The following CSMD1 variants were observed in gnomAD, a reference collection of about 807,000 sequenced individuals.
CSMD1 encodes the protein CUB and Sushi multiple domains 1.
CSMD1 carries 213 observed loss-of-function variants against 417.5 expected under a neutral mutation model. The observed-to-expected ratio is 0.51, with a 90% CI of 0.46 to 0.57. CSMD1 has a LOEUF of 0.57. CSMD1 is among the 20% of genes least tolerant of loss of function. The pLI, the probability that CSMD1 is intolerant of heterozygous loss-of-function variation, is 0.00. For synonymous variants in CSMD1, 2,862 were observed against 1,736.8 expected (o/e 1.65, Z -16.11); for missense variants, 6,923 against 4,529.7 (o/e 1.53, Z -15.17).
chr8:3,956,992 A>C (rs1811993404), intron 5 of CSMD1, among the ~76,000 whole-genome samples: 1 of 152,190 alleles, frequency 6.6e-6, no homozygotes, highest in Non-Finnish European at 1.5e-5. Flanking sequence ...TGTGGGCCCT[A>C]AAAAATGAAA....
At chr8:3,377,180 TG>T (rs1442167507) in intron 18 of CSMD1, among the ~76,000 whole-genome samples, 1 of 152,080 alleles carries the variant, frequency 6.6e-6, no homozygotes, top group Admixed American at 6.6e-5. Flanking sequence ...AGCTAATTTT[TG>T]TGTTTTTTTG....
At chr8:4,171,788 T>C (rs1584953344) in intron 3 of CSMD1, among the ~76,000 whole-genome samples, 1 of 152,204 alleles carries the variant, frequency 6.6e-6, no homozygotes, top group African/African-American at 2.4e-5. Context: ...CCAATTTACT[T>C]GAGTAACTTC....
chr8:3,414,916 A>T (rs1420035926), intron 12 of CSMD1, among the ~76,000 whole-genome samples: 1 of 150,828 alleles, frequency 6.6e-6, no homozygotes, highest in African/African-American at 2.4e-5. Context: ...CTCTAGCACC[A>T]CTCTCTTTTC....
At chr8:4,841,914 A>AC (rs779346831) in intron 1 of CSMD1, among the ~76,000 whole-genome samples, 117 of 136,600 alleles carry the variant, frequency 8.6e-4, no homozygotes, top group Middle Eastern at 3.8e-3. Flanking sequence ...TCCGTCTCAA[A>AC]AAAAAAAAAA....
At chr8:3,466,222 G>A (rs191409546) in intron 12 of CSMD1, among the ~76,000 whole-genome samples, 15 of 150,878 alleles carry the variant, frequency 9.9e-5, no homozygotes, top group Admixed American at 9.9e-4. Context: ...TTTTAATGAC[G>A]AGTCTGATAC....
intron 2 of CSMD1, among the ~76,000 whole-genome samples, chr8:4,423,829 C>T (rs569302931): frequency 3.9e-5 from 6 of 152,102 alleles, no homozygotes; most frequent in South Asian, 2.1e-4. Context: ...ATATCTACAA[C>T]GGTTAAGACT....
At chr8:4,953,752 T>C (rs1054163617) in intron 1 of CSMD1, among the ~76,000 whole-genome samples, 2 of 152,186 alleles carry the variant, frequency 1.3e-5, no homozygotes, top group African/African-American at 4.8e-5. Context: ...TCAATACCTG[T>C]CTTTCTGCAA....
intron 12 of CSMD1, among the ~76,000 whole-genome samples, chr8:3,432,649 G>C (rs557403135): frequency 6.4e-4 from 97 of 151,664 alleles, no homozygotes; most frequent in Non-Finnish European, 1.1e-3. Context: ...CTGAGTAGCT[G>C]GGACTACAGG....
At chr8:4,110,633 T>C (rs1276735934) in intron 3 of CSMD1, among the ~76,000 whole-genome samples, 1 of 20,624 alleles carries the variant, frequency 4.8e-5, no homozygotes. Flanking sequence ...ACCTGATATA[T>C]ACAGGTGTGT....
chr8:2,991,672 G>A (rs1197390972), intron 54 of CSMD1, among the ~76,000 whole-genome samples: 1 of 152,158 alleles, frequency 6.6e-6, no homozygotes, highest in Non-Finnish European at 1.5e-5. Flanking sequence ...AAGCAAAAAT[G>A]CGAGTGAATA....
At chr8:3,052,929 A>G (rs1258698923) in intron 49 of CSMD1, among the ~76,000 whole-genome samples, 1 of 151,986 alleles carries the variant, frequency 6.6e-6, no homozygotes, top group East Asian at 1.9e-4. Flanking sequence ...AGCTGAGATT[A>G]CAGGTGCACA....
intron 2 of CSMD1, among the ~76,000 whole-genome samples, chr8:4,506,200 C>G (rs1318999826): frequency 6.6e-6 from 1 of 152,000 alleles, no homozygotes; most frequent in Admixed American, 6.6e-5. Context: ...GAAAAAATGA[C>G]AATTACTTTT....
At chr8:3,841,973 T>A (rs1803167482) in intron 5 of CSMD1, among the ~76,000 whole-genome samples, 1 of 152,158 alleles carries the variant, frequency 6.6e-6, no homozygotes, top group African/African-American at 2.4e-5. Flanking sequence ...CAAAAGCAGT[T>A]TTTTTCCATC....
chr8:3,451,457 T>C (rs556867681), intron 12 of CSMD1, among the ~76,000 whole-genome samples: 1 of 152,350 alleles, frequency 6.6e-6, no homozygotes, highest in East Asian at 1.9e-4. Flanking sequence ...AGGGCTAACA[T>C]TTAAGTGTCC....
At chr8:3,417,569 G>C (rs183726463) in intron 12 of CSMD1, among the ~76,000 whole-genome samples, 120 of 152,288 alleles carry the variant, frequency 7.9e-4, no homozygotes, top group Middle Eastern at 6.8e-3. Context: ...GTGTGTTCCA[G>C]GGCTGCCATA....
chr8:3,800,069 T>G (rs1281383898), intron 5 of CSMD1, among the ~76,000 whole-genome samples: 1 of 152,094 alleles, frequency 6.6e-6, no homozygotes, highest in Non-Finnish European at 1.5e-5. Context: ...AGAAAAACAT[T>G]TGCAGTTGAT....
At chr8:4,592,148 G>C (rs1037166294) in intron 2 of CSMD1, among the ~76,000 whole-genome samples, 3 of 151,628 alleles carry the variant, frequency 2.0e-5, no homozygotes, top group African/African-American at 7.3e-5. Context: ...TATAACATTT[G>C]CCAATTTCTG....
At chr8:4,187,892 G>A (rs1286770794) in intron 3 of CSMD1, among the ~76,000 whole-genome samples, 2 of 151,878 alleles carry the variant, frequency 1.3e-5, no homozygotes, top group African/African-American at 2.4e-5. Context: ...TGGCAGCACT[G>A]GCATGATATC....
At chr8:3,619,404 G>C (rs1802307903) in intron 7 of CSMD1, among the ~76,000 whole-genome samples, 1 of 151,332 alleles carries the variant, frequency 6.6e-6, no homozygotes, top group African/African-American at 2.4e-5. Flanking sequence ...AAAACCACAA[G>C]GCATACAAAG....
Sources: allele counts gnomAD v4.1 joint callset (sites outside exome capture counted in the v4.1 genomes callset), GRCh38; gene constraint gnomAD v4.1.1; transcripts MANE v1.5; gene names NCBI Gene and HGNC (gene_info 2026-07-23, HGNC 2026-07-21).